ANKLE1: variants seen among roughly 807,000 people sequenced by gnomAD.
ANKLE1 encodes the protein ankyrin repeat and LEM domain containing 1.
ANKLE1 carries 59 observed loss-of-function variants against 56.2 expected under a neutral mutation model. The ratio of observed to expected loss-of-function variants is 1.05; its 90% CI spans 0.85 to 1.30. ANKLE1 has a LOEUF of 1.30. ANKLE1 is among the 50% of genes most tolerant of loss of function. The pLI is 0.00. For synonymous variants in ANKLE1, 341 were observed against 352.9 expected, an observed-to-expected ratio of 0.97 and a Z score of 0.38; for missense variants, 771 against 816.1, an observed-to-expected ratio of 0.94 and a Z score of 0.67.
chr19:17,283,681 C>T lies in ANKLE1; in HGVS notation c.917C>T (p.Pro306Leu). The change falls in exon 5 of 9, where the codon CCC becomes CTC. Residue 306 changes from proline to leucine, a missense_variant. Pro to Leu is a moderately conservative substitution (Grantham distance 98). Transcript: ENST00000404085. The part of the protein sequence containing the change: ...PLLDRSPAHS[P>L]PRTPTPGASD... ...CTGGACAGGAGTCCAGCTCATAGCC[C>T]CCCACGGACACCAACCCCTGGAGCT... The T allele has an allele frequency of 6.2e-7, 1 of 1,613,590 alleles. No individual in the cohort carries two copies. Among genetic ancestry groups the T allele is most frequent in the South Asian group, 1.1e-5 (1 of 91,084 alleles).
At position 17,282,779 on chromosome 19, in the gene ANKLE1, G is replaced by C. The variant is rs778854984; in HGVS notation, c.321+18G>C. On this transcript the variant is annotated intron_variant, in intron 3 of 8. Coordinates refer to ENST00000404085, the MANE Select transcript of ANKLE1 (RefSeq NM_152363.6). Reference sequence around the variant, plus strand: ...GCGACCAGGTTGGGAGGCACTGCGCGGGCAAAGAAAGGCTGGGTGAGCCCA... The same window carrying C: ...GCGACCAGGTTGGGAGGCACTGCGCCGGCAAAGAAAGGCTGGGTGAGCCCA... 6.4e-6 allele frequency: 10 copies of C among 1,559,226 alleles called. No homozygotes were observed. In the East Asian group the frequency reaches 2.1e-4, roughly 33 times the overall value.
chr19:17,286,263 A>G, intron 8 of ANKLE1, 117 bp from the exon 9 acceptor site: 1 of 1,356,324 alleles, frequency 7.4e-7, no homozygotes, highest in Non-Finnish European at 9.9e-7. Context: ...GATCTACCCA[A>G]AGTGTTGGGA....
chr19:17,285,259 C>CA (rs11355867), intron 6 of ANKLE1, among the ~76,000 whole-genome samples, 172 bp from the exon 7 acceptor site: 73 of 140,888 alleles, frequency 5.2e-4, no homozygotes, highest in South Asian at 2.1e-3. Context: ...AACTCTGTCT[C>CA]AAAAAAAAAA....
At position 17,286,435 on chromosome 19, in the gene ANKLE1, C is replaced by T. The variant is rs10425939; in HGVS notation, c.1731C>T (p.Gly577=). The stretch of plus-strand genomic sequence containing the variant: ...GGCACTGCTATGGAGTGGTGGCAGG[C>T]TGGCCACCTGCTCGTCGCCGGCGCT... The part of the protein sequence containing the change: ...KQGHCYGVVA[G]WPPARRRRLG... Residue 577 remains glycine (G), a synonymous_variant, in exon 9 of 9, where the codon GGC becomes GGT. Transcript: ENST00000404085. 275,558 of 1,610,076 alleles carry T rather than the reference C, an allele frequency of 0.17. 25,024 individuals carry two copies. The highest frequency in any genetic ancestry group is 0.19 in the Non-Finnish European group (218,580 of 1,178,388).
At position 17,286,468 on chromosome 19, in the gene ANKLE1, G is replaced by GC. The variant is rs1568343226; in HGVS notation, c.1765dup (p.His589ProfsTer13). Reference sequence around the variant, plus strand: ...CTGCTCGTCGCCGGCGCTTGGGGGTGCACCTGCTGCACCGTGCCCTCCTTG... The same window carrying GC: ...CTGCTCGTCGCCGGCGCTTGGGGGTGCCACCTGCTGCACCGTGCCCTCCTTG... On this transcript the variant is annotated frameshift_variant, in exon 9 of 9. Transcript: ENST00000404085. LOFTEE classifies it high-confidence loss of function. The GC allele has an allele frequency of 1.9e-6, 3 of 1,612,606 alleles. No individual in the cohort carries two copies.
In ANKLE1 at chr19:17,286,674, G is replaced by C. The variant is rs367668712; in HGVS notation, c.*122G>C. 1.5e-5 allele frequency: 21 copies of C among 1,378,552 alleles called. No homozygotes were observed. The highest frequency in any genetic ancestry group is 4.8e-6 in the Non-Finnish European group (5 of 1,044,284). The allele number at this position is 1,378,552 out of a possible 1,614,324, so 85.4% of individuals were successfully genotyped here. On this transcript the variant is annotated 3_prime_UTR_variant, in exon 9 of 9. Coordinates refer to ENST00000404085, the MANE Select transcript of ANKLE1 (RefSeq NM_152363.6). Reference sequence around the variant, plus strand: ...TGTGTGTGTGTGTGTGTGTGTGTGTGTGTGTGTGTGTGTGTGTTTGTGTGT... The same window carrying C: ...TGTGTGTGTGTGTGTGTGTGTGTGTCTGTGTGTGTGTGTGTGTTTGTGTGT...
At position 17,283,824 on chromosome 19, in the gene ANKLE1, C is replaced by T. The variant is rs143128175; in HGVS notation, c.1060C>T (p.Arg354Trp). 2.3e-3 allele frequency: 3,760 copies of T among 1,613,232 alleles called. 2 individuals are homozygous for T. Among genetic ancestry groups the T allele is most frequent in the Non-Finnish European group, 2.9e-3 (3,461 of 1,179,890 alleles). The stretch of plus-strand genomic sequence containing the variant: ...TGGCAGGGAACCTGTCGGCCCTTGC[C>T]GGCACCTGCCAGTCTCCACTGTGTC... ...TGGREPVGPC[R>W]HLPVSTVSDL... is the part of the protein sequence containing the mutation. Residue 354 changes from arginine (R) to tryptophan (W), a missense_variant, in exon 5 of 9, where the codon CGG (arginine) becomes TGG (tryptophan). Arg to Trp is a moderately radical substitution (Grantham distance 101). Coordinates refer to ENST00000404085, the MANE Select transcript of ANKLE1 (RefSeq NM_152363.6).
Position 17,286,687 on chromosome 19 carries a change from TG to T in ANKLE1, c.*136del, listed in dbSNP as rs1271722891. The T allele has an allele frequency of 1.3e-4, 69 of 542,736 alleles. No individual in the cohort carries two copies. The highest frequency in any genetic ancestry group is 7.2e-4 in the East Asian group (18 of 25,006). 33.6% of individuals were successfully genotyped at this position (542,736 alleles called of 1,614,324 possible). Reference sequence around the variant, plus strand: ...GTGTGTGTGTGTGTGTGTGTGTGTGTGTGTTTGTGTGTGTGTGTGTGTGTGT... The same window carrying T: ...GTGTGTGTGTGTGTGTGTGTGTGTGTTGTTTGTGTGTGTGTGTGTGTGTGT... On this transcript the variant is annotated 3_prime_UTR_variant, in exon 9 of 9. Transcript: ENST00000404085.
intron 4 of ANKLE1, 71 bp downstream of exon 4, chr19:17,283,073 C>A: frequency 6.5e-7 from 1 of 1,535,966 alleles, no homozygotes; most frequent in African/African-American, 1.4e-5. Context: ...GTCTTCCCCA[C>A]CCCACCCATT....
Position 17,283,975 on chromosome 19 carries a change from A to G in ANKLE1, c.1198+13A>G, listed in dbSNP as rs2074005051. ...CAGATTGCTCCTGGTTAGTCTTCCC[A>G]GGGCACATGGAGTCCAGGGAGCCTC... is the stretch of plus-strand genomic sequence containing the variant. On this transcript the variant is annotated intron_variant, in intron 5 of 8. Transcript: ENST00000404085. 1 of 1,597,414 alleles carries G rather than the reference A, an allele frequency of 6.3e-7. No individual in the cohort carries two copies. Among genetic ancestry groups the G allele is most frequent in the South Asian group, 1.1e-5 (1 of 88,856 alleles).
chr19:17,286,701 TGTGTGTGTGTGTAGGG>T lies in ANKLE1; in HGVS notation c.*150_*165del, dbSNP rs1161522963. On this transcript the variant is annotated 3_prime_UTR_variant, in exon 9 of 9. Transcript: ENST00000404085. Reference sequence around the variant, plus strand: ...GTGTGTGTGTGTGTGTTTGTGTGTGTGTGTGTGTGTGTAGGGAGCACCCAGGCAGATCTCCCCCAGG... The same window carrying T: ...GTGTGTGTGTGTGTGTTTGTGTGTGTAGCACCCAGGCAGATCTCCCCCAGG... 8 of 1,268,338 alleles carry T rather than the reference TGTGTGTGTGTGTAGGG, an allele frequency of 6.3e-6. No homozygotes were observed. The highest frequency in any genetic ancestry group is 2.2e-5 in the Admixed American group (1 of 44,518). 78.6% of individuals were successfully genotyped at this position (1,268,338 alleles called of 1,614,324 possible).
In ANKLE1 at chr19:17,287,413, AGAGCG is replaced by A. The variant is rs1330502656; in HGVS notation, c.*862_*866del. On this transcript the variant is annotated 3_prime_UTR_variant, in exon 9 of 9. Transcript: ENST00000404085. ...ACCATTGCACTCCAGCCTGGGCAAC[AGAGCG>A]AGAGTCTGTCTCAAACAAACAAACA... The A allele has an allele frequency of 4.6e-5, 7 of 151,940 alleles. No homozygotes were observed. The highest frequency in any genetic ancestry group is 1.7e-4 in the African/African-American group (7 of 41,204). The allele number at this position is 151,940 out of a possible 1,614,324, so 9.4% of individuals were successfully genotyped here.
Position 17,286,394 on chromosome 19 carries a change from AC to A in ANKLE1, c.1692del (p.Asn565ThrfsTer106). ...IVEALGIQTL[T>X]NQKQGHCYGV... ...AATTTCTCCAGGGATCCAGACGCTC[AC>A]CAACCAGAAGCAAGGGCACTGCTAT... On this transcript the variant is annotated frameshift_variant, in exon 9 of 9. Coordinates refer to ENST00000404085, the MANE Select transcript of ANKLE1 (RefSeq NM_152363.6). LOFTEE classifies it high-confidence loss of function. 6.4e-7 allele frequency: 1 copy of A among 1,573,934 alleles called. No individual in the cohort carries two copies. Among genetic ancestry groups the A allele is most frequent in the South Asian group, 1.1e-5 (1 of 87,036 alleles).
At position 17,284,094 on chromosome 19, in the gene ANKLE1, G is replaced by A. The variant is rs543893832; in HGVS notation, c.1204G>A (p.Glu402Lys). ...LEEAQIAPGP[E>K]FSGHSLELAA... is the part of the protein sequence containing the mutation. ...CCATCTCCCTTGACTTCCAGGCCCA[G>A]AGTTTTCAGGGCACAGCCTAGAACT... Residue 402 changes from glutamate (E) to lysine (K), a missense_variant, in exon 6 of 9, where the codon GAG becomes AAG. Physicochemically the swap from Glu to Lys is moderately conservative, Grantham distance 56. Coordinates refer to ENST00000404085, the MANE Select transcript of ANKLE1 (RefSeq NM_152363.6). The A allele has an allele frequency of 1.9e-5, 30 of 1,613,562 alleles. No individual in the cohort carries two copies. In the African/African-American group the frequency reaches 3.7e-4, roughly 20 times the overall value.
Position 17,286,881 on chromosome 19 carries a change from G to C in ANKLE1, c.*329G>C. 1 of 1,040,452 alleles carries C rather than the reference G, an allele frequency of 9.6e-7. No individual in the cohort carries two copies. The highest frequency in any genetic ancestry group is 1.2e-6 in the Non-Finnish European group (1 of 834,808). The allele number at this position is 1,040,452 out of a possible 1,614,324, so 64.5% of individuals were successfully genotyped here. ...GCTTCTGTAAGAGGCGTTTGAACCT[G>C]GGCAACTCCACCTGGAATAGGAGCT... is the stretch of plus-strand genomic sequence containing the variant. On this transcript the variant is annotated 3_prime_UTR_variant, in exon 9 of 9. Transcript: ENST00000404085.
Position 17,286,524 on chromosome 19 carries a change from A to C in ANKLE1, c.1820A>C (p.His607Pro), listed in dbSNP as rs896459996. ...VFLAEGERQL[H>P]PQDIQARG ...CTGGCTGAAGGCGAGCGACAGCTTC[A>C]TCCCCAGGACATCCAGGCCCGGGGC... The change falls in exon 9 of 9, where the codon CAT (histidine) becomes CCT (proline). Residue 607 changes from histidine to proline, a missense_variant. Coordinates refer to ENST00000404085, the MANE Select transcript of ANKLE1 (RefSeq NM_152363.6). 1 of 1,610,492 alleles carries C rather than the reference A, an allele frequency of 6.2e-7. No homozygotes were observed. Among genetic ancestry groups the C allele is most frequent in the African/African-American group, 1.3e-5 (1 of 74,954 alleles).
At position 17,282,310 on chromosome 19, in the gene ANKLE1, G is replaced by A. The variant is rs980274530; in HGVS notation, c.215+101G>A. 7 of 1,416,714 alleles carry A rather than the reference G, an allele frequency of 4.9e-6. No individual in the cohort carries two copies. In the African/African-American group the frequency reaches 8.7e-5, roughly 18 times the overall value. 87.8% of individuals were successfully genotyped at this position (1,416,714 alleles called of 1,614,324 possible). On this transcript the variant is annotated intron_variant, in intron 2 of 8. Transcript: ENST00000404085. ...TCCCGGGCCAGGCCTCGGGGCTCGA[G>A]GGTGGGGTTTAGGGGATCTTGGGGA...
chr19:17,286,832 G>C lies in ANKLE1; in HGVS notation c.*280G>C. 1 of 1,287,176 alleles carries C rather than the reference G, an allele frequency of 7.8e-7. No homozygotes were observed. Among genetic ancestry groups the C allele is most frequent in the Non-Finnish European group, 9.9e-7 (1 of 1,009,608 alleles). 79.7% of individuals were successfully genotyped at this position (1,287,176 alleles called of 1,614,324 possible). ...TGGGAGGAGGACAAGAAGGGAAGCA[G>C]AAGGTGCTTTGGAACAGTCCGGTGC... On this transcript the variant is annotated 3_prime_UTR_variant, in exon 9 of 9. Transcript: ENST00000404085.
Position 17,285,494 on chromosome 19 carries a change from C to G in ANKLE1, c.1440C>G (p.Phe480Leu). ...SLTPAERLQT[F>L]IRAIFYVGKG... ...CCCCAGCTGAGCGCCTTCAGACTTT[C>G]ATCCGTGCCATCTTCTACGTGGGCA... Residue 480 changes from phenylalanine (F) to leucine (L), a missense_variant, in exon 7 of 9, where the codon TTC becomes TTG. Physicochemically the swap from Phe to Leu is conservative, Grantham distance 22 (BLOSUM62 0). Coordinates refer to ENST00000404085, the MANE Select transcript of ANKLE1 (RefSeq NM_152363.6). 1 of 1,613,916 alleles carries G rather than the reference C, an allele frequency of 6.2e-7. No individual in the cohort carries two copies. Among genetic ancestry groups the G allele is most frequent in the Non-Finnish European group, 8.5e-7 (1 of 1,179,892 alleles).
Sources: gnomAD v4.1 joint callset for allele counts (sites outside exome capture counted in the v4.1 genomes callset) on GRCh38, gnomAD v4.1.1 for gene constraint, MANE v1.5 for transcripts, NCBI Gene and HGNC (gene_info 2026-07-23, HGNC 2026-07-21) for gene names.